The following TMC1 variants were observed in gnomAD, a reference collection of about 807,000 sequenced individuals.
TMC1 encodes the protein transmembrane channel-like protein 1.
In TMC1, 84 loss-of-function variants were observed where a neutral mutation model predicts 105.8. That is an observed-to-expected ratio of 0.79 (90% confidence interval 0.67 to 0.95). The LOEUF is 0.95. Ranked by LOEUF, TMC1 falls within the 40% of genes least tolerant of loss-of-function variation. TMC1 has a pLI of 0.00. For missense variants in TMC1, 817 were observed against 914.1 expected, an observed-to-expected ratio of 0.89 and a Z score of 1.37; for synonymous variants, 315 against 311.5, an observed-to-expected ratio of 1.01 and a Z score of -0.12.
chr9:72,525,029 A>G (rs1157097995), intron 1 of TMC1, among the ~76,000 whole-genome samples: 2 of 152,216 alleles, frequency 1.3e-5, no homozygotes, highest in Admixed American at 6.5e-5. Flanking sequence ...TGATAGAAAG[A>G]TACGGTCCAG....
chr9:72,817,629 G>A lies in TMC1; in HGVS notation c.1763+1419G>A, dbSNP rs139765220. Among the ~76,000 whole-genome samples the A allele has an allele frequency of 1.1e-4, 16 of 152,278 alleles. No homozygotes were observed. In the East Asian group the frequency reaches 2.5e-3, roughly 24 times the overall value. ...CCATTCACGCAGACATATGCTGCAC[G>A]TCGATTGTGTTCTTTCAGAGTTAAG... On this transcript the variant is annotated intron_variant, in intron 19 of 23. Coordinates refer to ENST00000297784, the MANE Select transcript of TMC1 (RefSeq NM_138691.3).
intron 13 of TMC1, among the ~76,000 whole-genome samples, chr9:72,773,397 C>A (rs762099977): frequency 6.6e-6 from 1 of 152,136 alleles, no homozygotes; most frequent in South Asian, 2.1e-4. Context: ...TGCAAAGTCA[C>A]CCTAAGCAGG....
At position 72,826,862 on chromosome 9, in the gene TMC1, C is replaced by T. The variant is rs1231621986; in HGVS notation, c.2004-7C>T. 5.0e-6 allele frequency: 8 copies of T among 1,613,442 alleles called. No homozygotes were observed. The African/African-American group carries it at 6.7e-5, about 13-fold the overall frequency. ...TAAACTTATCTCCCCCTTTTTAATT[C>T]CCCCAGTGGCAAAAATAGAATGTTT... On this transcript the variant is annotated splice_region_variant and splice_polypyrimidine_tract_variant and intron_variant, in intron 20 of 23. Transcript: ENST00000297784.
intron 2 of TMC1, among the ~76,000 whole-genome samples, chr9:72,581,888 G>C (rs1223939038): frequency 6.6e-6 from 1 of 152,170 alleles, no homozygotes; most frequent in East Asian, 1.9e-4. Context: ...GAGATGACTA[G>C]CAGAAAACAG....
rs1829026309 is a variant in TMC1, at chr9:72,830,664, A to G, written c.2242A>G (p.Met748Val). The change falls in exon 23 of 24, where the codon ATG becomes GTG. Residue 748 changes from methionine (M) to valine (V), a missense_variant. Transcript: ENST00000297784. ...ALENKMRNKK[M>V]AAARAAAAAG... ...GGAGAACAAAATGCGAAACAAGAAA[A>G]TGGCAGCTGCACGAGCAGGTTGGAG... 6.2e-7 allele frequency: 1 copy of G among 1,613,546 alleles called. No homozygotes were observed. Among genetic ancestry groups the G allele is most frequent in the African/African-American group, 1.3e-5 (1 of 74,978 alleles).
chr9:72,648,899 C>G (rs1394543546), intron 5 of TMC1, among the ~76,000 whole-genome samples: 4 of 152,112 alleles, frequency 2.6e-5, no homozygotes, highest in Non-Finnish European at 5.9e-5. Context: ...CTGGTAAGTG[C>G]TAAAACTGAC....
At chr9:72,638,334 A>C (rs1052660836) in intron 4 of TMC1, among the ~76,000 whole-genome samples, 51 of 152,264 alleles carry the variant, frequency 3.3e-4, no homozygotes, top group African/African-American at 1.2e-3. Context: ...CCCGGGAGTC[A>C]TTTTTGAAAC....
chr9:72,798,317 A>G (rs1405162955), intron 17 of TMC1, among the ~76,000 whole-genome samples: 3 of 152,170 alleles, frequency 2.0e-5, no homozygotes, highest in Non-Finnish European at 4.4e-5. Flanking sequence ...CGATTCCTCA[A>G]AGAGCTAAAA....
chr9:72,808,089 A>G (rs1339888372), intron 18 of TMC1, among the ~76,000 whole-genome samples: 1 of 152,158 alleles, frequency 6.6e-6, no homozygotes, highest in East Asian at 1.9e-4. Context: ...TTTGCTTAAA[A>G]TCTTCCAGTG....
At chr9:72,544,998 C>T (rs1348615574) in intron 1 of TMC1, among the ~76,000 whole-genome samples, 4 of 151,958 alleles carry the variant, frequency 2.6e-5, no homozygotes, top group Admixed American at 6.6e-5. Context: ...TTTGCATTCT[C>T]GTAGCTTAGC....
intron 5 of TMC1, among the ~76,000 whole-genome samples, chr9:72,656,875 C>A (rs1444257490): frequency 6.6e-6 from 1 of 152,144 alleles, no homozygotes; most frequent in Non-Finnish European, 1.5e-5. Context: ...GAATTCAGAG[C>A]AGGGCTACTT....
intron 23 of TMC1, among the ~76,000 whole-genome samples, chr9:72,832,433 C>G (rs998948472): frequency 2.6e-5 from 4 of 152,204 alleles, no homozygotes; most frequent in African/African-American, 9.7e-5. Context: ...TCCTCAACCT[C>G]TCCTCCTTTC....
Position 72,836,079 on chromosome 9 carries a change from G to C in TMC1, c.*106G>C, listed in dbSNP as rs79830675. ...AGCACTGTGGAACTGCTATTTTCCT[G>C]TTCTACCCTTGATGGATTTTCAAGG... On this transcript the variant is annotated 3_prime_UTR_variant, in exon 24 of 24. Coordinates refer to ENST00000297784, the MANE Select transcript of TMC1 (RefSeq NM_138691.3). The C allele has an allele frequency of 0.013, 16,694 of 1,314,098 alleles. 166 individuals carry two copies. The highest frequency in any genetic ancestry group is 0.017 in the Middle Eastern group (96 of 5,532). The allele number at this position is 1,314,098 out of a possible 1,614,324, so 81.4% of individuals were successfully genotyped here. A position where few individuals can be genotyped will look rare whatever the true frequency, so the allele number is the denominator to read the frequency against.
intron 1 of TMC1, among the ~76,000 whole-genome samples, chr9:72,543,653 G>A (rs1234396848): frequency 2.6e-5 from 4 of 152,036 alleles, no homozygotes; most frequent in Non-Finnish European, 4.4e-5. Context: ...CATGGTGGTG[G>A]GTGCCTGTAA....
At chr9:72,813,325 T>C (rs1434781127) in intron 18 of TMC1, among the ~76,000 whole-genome samples, 5 of 152,212 alleles carry the variant, frequency 3.3e-5, no homozygotes, top group African/African-American at 1.2e-4. Context: ...CACTGACTTT[T>C]ATACTACATA....
At chr9:72,706,108 TA>T (rs1826732957) in intron 8 of TMC1, among the ~76,000 whole-genome samples, 2 of 152,198 alleles carry the variant, frequency 1.3e-5, no homozygotes. Flanking sequence ...GGAGAATGAA[TA>T]CATTTTTAGG....
intron 2 of TMC1, among the ~76,000 whole-genome samples, chr9:72,586,005 C>T (rs1449726464): frequency 2.6e-5 from 4 of 152,180 alleles, no homozygotes; most frequent in Non-Finnish European, 5.9e-5. Flanking sequence ...GGGGAGATTT[C>T]ACAACCAGCA....
In TMC1 at chr9:72,828,420, A is replaced by AACACAC. The variant is rs35308376; in HGVS notation, c.2129+1444_2129+1449dup. ...GTGGTATGAATGAGGTGTTGTTTAA[A>AACACAC]ACACACACACACACACACACACAAT... On this transcript the variant is annotated intron_variant, in intron 21 of 23. Transcript: ENST00000297784. Among the ~76,000 whole-genome samples the AACACAC allele has an allele frequency of 4.3e-3, 650 of 149,898 alleles. 4 individuals carry two copies. The highest frequency in any genetic ancestry group is 0.013 in the African/African-American group (530 of 40,876).
intron 3 of TMC1, among the ~76,000 whole-genome samples, chr9:72,622,458 C>A (rs1372175068): frequency 6.6e-6 from 1 of 152,186 alleles, no homozygotes; most frequent in Non-Finnish European, 1.5e-5. Flanking sequence ...TCCTTAGTGC[C>A]TTTACTGTTC....
Sources: allele counts gnomAD v4.1 joint callset (sites outside exome capture counted in the v4.1 genomes callset), GRCh38; gene constraint gnomAD v4.1.1; transcripts MANE v1.5; gene names NCBI Gene and HGNC (gene_info 2026-07-23, HGNC 2026-07-21).